Variants in NOSTRIN observed in about 807,000 individuals in gnomAD.
NOSTRIN encodes the protein BM247 homolog.
A neutral mutation model predicts 59.0 loss-of-function variants in NOSTRIN; 63 were observed. That is an observed-to-expected ratio of 1.07 (90% confidence interval 0.87 to 1.32). The LOEUF (loss-of-function observed/expected upper bound fraction) is 1.32, where lower values mean the gene tolerates loss of function less well. Ranked by LOEUF, NOSTRIN falls within the 40% of genes most tolerant of loss-of-function variation. The probability of loss-of-function intolerance (pLI) is 0.00; values close to 1 mark genes in which losing one functional copy is unlikely to be tolerated. For missense variants in NOSTRIN, 512 were observed against 473.1 expected (o/e 1.08, Z -0.76); for synonymous variants, 200 against 165.4 (o/e 1.21, Z -1.61).
intron 1 of NOSTRIN, among the ~76,000 whole-genome samples, chr2:168,810,787 T>C (rs1686087778): frequency 1.3e-5 from 2 of 152,192 alleles, no homozygotes; most frequent in Non-Finnish European, 1.5e-5. Flanking sequence ...ATTCACTTGC[T>C]CTGTGTCAGA....
intron 10 of NOSTRIN, among the ~76,000 whole-genome samples, chr2:168,852,360 G>T (rs1688818589): frequency 6.6e-6 from 1 of 152,120 alleles, no homozygotes; most frequent in African/African-American, 2.4e-5. Context: ...TGTCCCTGGT[G>T]AGAGCCCAAG....
Position 168,822,808 on chromosome 2 carries a change from T to C in NOSTRIN, c.114-1826T>C, listed in dbSNP as rs1686824193. Among the ~76,000 whole-genome samples, 3 of 152,196 alleles carry C rather than the reference T, an allele frequency of 2.0e-5. No homozygotes were observed. In the South Asian group the frequency reaches 6.2e-4, roughly 32 times the overall value. ...CATGCCCAGACTTCCTACTGAGCCTTGTGCTGCAAAGAAAGTAATAGAAAT... is the reference window on the plus strand; with the variant it reads ...CATGCCCAGACTTCCTACTGAGCCTCGTGCTGCAAAGAAAGTAATAGAAAT... On this transcript the variant is annotated intron_variant, in intron 2 of 15. Transcript: ENST00000317647.
At chr2:168,864,684 T>A (rs1689742745) in intron 15 of NOSTRIN, 150 bp from the exon 16 acceptor site, 1 of 746,766 alleles carries the variant, frequency 1.3e-6, no homozygotes, top group East Asian at 2.6e-5. Context: ...TACACAGGTG[T>A]TCGATACATT....
At chr2:168,815,702 C>A (rs2105569408) in intron 2 of NOSTRIN, among the ~76,000 whole-genome samples, 1 of 152,336 alleles carries the variant, frequency 6.6e-6, no homozygotes, top group Non-Finnish European at 1.5e-5. Flanking sequence ...ACAGCTTTAG[C>A]TCTCTTGCAT....
intron 7 of NOSTRIN, among the ~76,000 whole-genome samples, 186 bp downstream of exon 7, chr2:168,834,511 A>ACACG (rs1553527235): frequency 9.3e-5 from 12 of 129,394 alleles, no homozygotes; most frequent in African/African-American, 3.4e-4. Flanking sequence ...GCGCGCGCAC[A>ACACG]CACACACACA....
At chr2:168,789,975 G>C (rs954677666) in intron 2 of NOSTRIN, among the ~76,000 whole-genome samples, 2 of 152,194 alleles carry the variant, frequency 1.3e-5, no homozygotes, top group Non-Finnish European at 2.9e-5. Context: ...TCTTAATGCC[G>C]CTGGTTTTTA....
chr2:168,826,416 TTCTC>T (rs768235576), intron 3 of NOSTRIN, among the ~76,000 whole-genome samples: 31 of 152,186 alleles, frequency 2.0e-4, no homozygotes, highest in African/African-American at 3.4e-4. Context: ...TTCTAATTCT[TTCTC>T]TCTTTCTTTC....
chr2:168,841,256 A>AG (rs1688085622), intron 7 of NOSTRIN, among the ~76,000 whole-genome samples: 1 of 139,466 alleles, frequency 7.2e-6, no homozygotes, highest in Admixed American at 7.4e-5. Context: ...AAAAAAAAAA[A>AG]AAAAAGAAAA....
At chr2:168,796,255 G>C (rs150771614), upstream of NOSTRIN, among the ~76,000 whole-genome samples, 739 of 152,320 alleles carry the variant, frequency 4.9e-3, 12 homozygotes, top group South Asian at 6.2e-3. Context: ...ACTCAGAACC[G>C]GGAGTTGGCC....
intron 11 of NOSTRIN, 149 bp from the exon 12 acceptor site, chr2:168,856,541 C>A (rs1335828424): frequency 1.5e-6 from 1 of 650,974 alleles, no homozygotes; most frequent in East Asian, 2.8e-5. Context: ...CGCCACTGCA[C>A]TCCAGCCTGG....
intron 15 of NOSTRIN, among the ~76,000 whole-genome samples, chr2:168,864,061 G>A (rs914968164): frequency 6.6e-6 from 1 of 151,410 alleles, no homozygotes; most frequent in Non-Finnish European, 1.5e-5. Flanking sequence ...TCCGTCTCCT[G>A]GATTCAAGTG....
At chr2:168,787,535 G>C (rs1433103047) in intron 1 of NOSTRIN, among the ~76,000 whole-genome samples, 1 of 152,186 alleles carries the variant, frequency 6.6e-6, no homozygotes, top group Non-Finnish European at 1.5e-5. Context: ...AACTCCATCA[G>C]AACACTTATC....
intron 7 of NOSTRIN, among the ~76,000 whole-genome samples, chr2:168,836,895 C>G (rs1574301229): frequency 1.3e-5 from 2 of 152,302 alleles, no homozygotes; most frequent in East Asian, 3.9e-4. Context: ...TATAACTCCC[C>G]CTGTCTTATA....
At chr2:168,814,237 C>T (rs1349810607) in intron 2 of NOSTRIN, among the ~76,000 whole-genome samples, 1 of 152,220 alleles carries the variant, frequency 6.6e-6, no homozygotes, top group Non-Finnish European at 1.5e-5. Flanking sequence ...TGAGGTCACT[C>T]CCTCTTCCTA....
At chr2:168,834,092 T>A in intron 6 of NOSTRIN, 135 bp from the exon 7 acceptor site, 1 of 575,848 alleles carries the variant, frequency 1.7e-6, no homozygotes, top group Non-Finnish European at 3.1e-6. Flanking sequence ...CATTTTTGTT[T>A]CAGCCTTTGG....
chr2:168,797,079 C>CTTTTTTCT (rs1553519716), upstream of NOSTRIN, among the ~76,000 whole-genome samples: 1 of 75,032 alleles, frequency 1.3e-5, no homozygotes, highest in African/African-American at 4.7e-5. Context: ...TTTCTTTTTT[C>CTTTTTTCT]TTTTTTTTTT....
intron 7 of NOSTRIN, among the ~76,000 whole-genome samples, chr2:168,840,199 T>G (rs1687990594): frequency 6.6e-6 from 1 of 151,894 alleles, no homozygotes; most frequent in African/African-American, 2.4e-5. Context: ...AAGCTTGAGT[T>G]TCTACAGACA....
intron 11 of NOSTRIN, chr2:168,855,695 T>C (rs1689058943): frequency 2.1e-6 from 1 of 476,420 alleles, no homozygotes; most frequent in South Asian, 2.8e-5. Flanking sequence ...CCTATATAAG[T>C]ATTATACTAC....
At chr2:168,801,445 A>G (rs1685612793), upstream of NOSTRIN, among the ~76,000 whole-genome samples, 2 of 150,924 alleles carry the variant, frequency 1.3e-5, no homozygotes, top group African/African-American at 4.9e-5. Context: ...CTGCTCTCAA[A>G]CTCCTGGCCT....
Sources: allele counts gnomAD v4.1 joint callset (sites outside exome capture counted in the v4.1 genomes callset), GRCh38; gene constraint gnomAD v4.1.1; transcripts MANE v1.5; gene names NCBI Gene and HGNC (gene_info 2026-07-23, HGNC 2026-07-21).